The following DISP1 variants were observed in gnomAD, a reference collection of about 807,000 sequenced individuals.
DISP1 encodes dispatched RND transporter family member 1.
Under a neutral mutation model 37.3 loss-of-function variants are expected in DISP1, and 30 were observed. The ratio of observed to expected loss-of-function variants is 0.80; its 90% CI spans 0.60 to 1.09. The LOEUF (loss-of-function observed/expected upper bound fraction) is 1.09, where lower values mean the gene tolerates loss of function less well. Among genes scored for constraint, DISP1 ranks in the 50% least tolerant of loss-of-function variants. The pLI is 0.00. For missense variants in DISP1, 1,598 were observed against 1,879.5 expected (o/e 0.85, Z 2.77); for synonymous variants, 634 against 690.2 (o/e 0.92, Z 1.28).
chr1:222,876,449 C>T (rs192331039), intron 1 of DISP1, among the ~76,000 whole-genome samples: 194 of 152,292 alleles, frequency 1.3e-3, no homozygotes, highest in African/African-American at 4.5e-3. Flanking sequence ...GTCATTCCTA[C>T]ATATGTACAA....
intron 3 of DISP1, among the ~76,000 whole-genome samples, chr1:222,976,632 A>G (rs1261531128): frequency 6.6e-6 from 1 of 152,010 alleles, no homozygotes; most frequent in Non-Finnish European, 1.5e-5. Flanking sequence ...TCTTTACTCA[A>G]GCAGAAAGAC....
At chr1:222,931,893 T>G (rs943687542) in intron 2 of DISP1, among the ~76,000 whole-genome samples, 1 of 151,928 alleles carries the variant, frequency 6.6e-6, no homozygotes, top group Non-Finnish European at 1.5e-5. Context: ...GTGTTTCACA[T>G]TTCCACAACA....
At chr1:222,937,544 A>G (rs532534585) in intron 2 of DISP1, among the ~76,000 whole-genome samples, 8 of 152,334 alleles carry the variant, frequency 5.3e-5, no homozygotes, top group Admixed American at 5.2e-4. Context: ...ACATTCTCAT[A>G]GTAATCCTAT....
In DISP1 at chr1:223,005,577, T is replaced by C. The variant is rs1679847863; in HGVS notation, c.4180T>C (p.Phe1394Leu). The part of the protein sequence containing the change: ...HLPKMAEPSS[F>L]VCRSTGSLLK... The stretch of plus-strand genomic sequence containing the variant: ...TCCAAAGATGGCAGAGCCATCGTCA[T>C]TTGTCTGCAGAAGCACTGGATCGTT... Residue 1394 changes from phenylalanine to leucine, a missense_variant, in exon 9 of 9, where the codon TTT (phenylalanine) becomes CTT (leucine). Transcript: ENST00000675850. 1 of 1,613,960 alleles carries C rather than the reference T, an allele frequency of 6.2e-7. No homozygotes were observed.
At chr1:222,921,464 A>G (rs1672806157) in intron 1 of DISP1, among the ~76,000 whole-genome samples, 1 of 152,250 alleles carries the variant, frequency 6.6e-6, no homozygotes, top group East Asian at 1.9e-4. Flanking sequence ...AAAAAATAAA[A>G]TTATAAAAAC....
chr1:222,906,892 C>G lies in DISP1; in HGVS notation c.-158-21538C>G, dbSNP rs1671928806. Among the ~76,000 whole-genome samples, 4 of 152,338 alleles carry G rather than the reference C, an allele frequency of 2.6e-5. No homozygotes were observed. In the South Asian group the frequency reaches 8.3e-4, roughly 32 times the overall value. On this transcript the variant is annotated intron_variant, in intron 1 of 8. Transcript: ENST00000675850. ...TTTCTTGCTCAGACCCAAGAACCCT[C>G]TCTTAGGGTCTGGATCAGTACCCCT...
At chr1:222,860,061 G>A (rs1023459483) in intron 1 of DISP1, among the ~76,000 whole-genome samples, 2 of 151,984 alleles carry the variant, frequency 1.3e-5, no homozygotes, top group Admixed American at 6.6e-5. Context: ...TTTCTGTTTT[G>A]TTTTGTTTTG....
At chr1:222,835,955 C>CAAAAAA (rs1275754600) in intron 1 of DISP1, among the ~76,000 whole-genome samples, 5 of 117,034 alleles carry the variant, frequency 4.3e-5, no homozygotes, top group African/African-American at 6.4e-5. Context: ...ACTCTTGTCT[C>CAAAAAA]AAAAAAAAAA....
At chr1:222,849,775 G>T (rs114856895) in intron 1 of DISP1, among the ~76,000 whole-genome samples, 1,957 of 152,170 alleles carry the variant, frequency 0.013, 32 homozygotes, top group African/African-American at 0.043. Flanking sequence ...GTACCATTTT[G>T]GTTGAAATGA....
At chr1:222,937,159 G>A (rs796451841) in intron 2 of DISP1, among the ~76,000 whole-genome samples, 27 of 147,568 alleles carry the variant, frequency 1.8e-4, no homozygotes, top group East Asian at 1.6e-3. Flanking sequence ...GCGTGATCTC[G>A]GCTCACTGCA....
intron 1 of DISP1, among the ~76,000 whole-genome samples, chr1:222,829,058 A>G (rs530153276): frequency 1.3e-5 from 2 of 152,168 alleles, no homozygotes; most frequent in East Asian, 1.9e-4. Flanking sequence ...GAAATAAACT[A>G]TTTGTTTGAT....
intron 3 of DISP1, among the ~76,000 whole-genome samples, chr1:222,961,392 A>G (rs1676044977): frequency 1.3e-5 from 2 of 152,234 alleles, no homozygotes; most frequent in African/African-American, 4.8e-5. Flanking sequence ...CAATAGATAC[A>G]GAAAAGGCCT....
intron 1 of DISP1, among the ~76,000 whole-genome samples, chr1:222,854,638 A>G (rs1668453166): frequency 6.6e-6 from 1 of 152,084 alleles, no homozygotes; most frequent in Admixed American, 6.6e-5. Flanking sequence ...CCGTTTGGAC[A>G]CTGATCCTTT....
At chr1:222,912,932 C>T (rs1278751717) in intron 1 of DISP1, among the ~76,000 whole-genome samples, 1 of 152,086 alleles carries the variant, frequency 6.6e-6, no homozygotes, top group Non-Finnish European at 1.5e-5. Flanking sequence ...AAGAATGAAA[C>T]ATAGTTGCCA....
At chr1:222,852,045 G>A (rs1413689658) in intron 1 of DISP1, among the ~76,000 whole-genome samples, 1 of 152,022 alleles carries the variant, frequency 6.6e-6, no homozygotes, top group Non-Finnish European at 1.5e-5. Flanking sequence ...TTAGCTGGGT[G>A]TGGTGGCGCA....
chr1:222,982,252 C>G (rs1442864300), intron 3 of DISP1, among the ~76,000 whole-genome samples: 2 of 152,206 alleles, frequency 1.3e-5, no homozygotes, highest in East Asian at 3.8e-4. Flanking sequence ...TGAAGAAAAT[C>G]TGGCTTTACA....
chr1:222,942,657 C>T (rs1674468782), intron 2 of DISP1, 150 bp from the exon 3 acceptor site: 1 of 865,694 alleles, frequency 1.2e-6, no homozygotes, highest in African/African-American at 1.7e-5. Context: ...TGGCTGGTTC[C>T]ATCACAGATG....
intron 3 of DISP1, among the ~76,000 whole-genome samples, chr1:222,965,810 C>A (rs2789925): frequency 0.95 from 145,143 of 152,148 alleles, 69,586 homozygotes; most frequent in East Asian, 1. Context: ...CATTAGCCTT[C>A]AGGACAGCTT....
At position 223,003,285 on chromosome 1, in the gene DISP1, A is replaced by G; in HGVS notation, c.1888A>G (p.Ile630Val). ...YANYVSNITA[I>V]RCFGVYAGTA... Reference sequence around the variant, plus strand: ...TAACTATGTTAGCAACATTACAGCAATCCGATGCTTTGGGGTTTATGCGGG... The same window carrying G: ...TAACTATGTTAGCAACATTACAGCAGTCCGATGCTTTGGGGTTTATGCGGG... The change falls in exon 9 of 9, where the codon ATC (isoleucine) becomes GTC (valine). Residue 630 changes from isoleucine (I) to valine (V), a missense_variant. Coordinates refer to ENST00000675850, the MANE Select transcript of DISP1 (RefSeq NM_001377229.1). This position sits in a 1 kb window ranked among gnomAD's most constrained non-coding sequence, Gnocchi z 4.3. 6.2e-7 allele frequency: 1 copy of G among 1,614,206 alleles called. No individual in the cohort carries two copies. The highest frequency in any genetic ancestry group is 8.5e-7 in the Non-Finnish European group (1 of 1,180,036).
Sources: gnomAD v4.1 joint callset for allele counts (sites outside exome capture counted in the v4.1 genomes callset) on GRCh38, gnomAD v4.1.1 for gene constraint, Gnocchi (gnomAD v3.1) non-coding constraint, MANE v1.5 for transcripts, NCBI Gene and HGNC (gene_info 2026-07-23, HGNC 2026-07-21) for gene names.